Variants in FGFRL1 observed in about 807,000 individuals in gnomAD.
FGFRL1 encodes fibroblast growth factor receptor-like 1.
FGFRL1 carries 24 observed loss-of-function variants against 36.8 expected under a neutral mutation model. That is an observed-to-expected ratio of 0.65 (90% CI 0.47 to 0.92). The LOEUF (loss-of-function observed/expected upper bound fraction) is 0.92. Ranked by LOEUF, FGFRL1 falls within the 40% of genes least tolerant of loss-of-function variation. The pLI is 0.00. For synonymous variants in FGFRL1, 422 were observed against 344.1 expected, an observed-to-expected ratio of 1.23 and a Z score of -2.50; for missense variants, 785 against 753.4, an observed-to-expected ratio of 1.04 and a Z score of -0.49.
At chr4:1,015,430 G>A (rs995144301) in intron 2 of FGFRL1, among the ~76,000 whole-genome samples, 4 of 152,314 alleles carry the variant, frequency 2.6e-5, no homozygotes, top group African/African-American at 4.8e-5. Flanking sequence ...AAGGTGGGCC[G>A]CAGCCCCAGA....
At chr4:1,012,441 G>C (rs766479251) in intron 1 of FGFRL1, 29 bp from the exon 2 acceptor site, 3 of 1,573,754 alleles carry the variant, frequency 1.9e-6, no homozygotes, top group Non-Finnish European at 2.6e-6. Context: ...AGTTCCACGT[G>C]TTAGTGACGG....
intron 2 of FGFRL1, 21 bp downstream of exon 2, chr4:1,012,585 C>CGGCCAGCCT (rs1419700184): frequency 1.6e-6 from 2 of 1,235,562 alleles, no homozygotes; most frequent in African/African-American, 1.6e-5. Context: ...GCGCCCAGCC[C>CGGCCAGCCT]GGCCAGCCTG....
rs1344779222 is a variant in FGFRL1 at position 1,026,064 on chromosome 4, T to G, written c.*717T>G. On this transcript the variant is annotated 3_prime_UTR_variant, in exon 7 of 7. Coordinates refer to ENST00000510644, the MANE Select transcript of FGFRL1 (RefSeq NM_001004356.3). ...CACACACGCATGCACAGATATGCTGTCCGGACACACACACGCACGCAGATA... is the reference window on the plus strand; with the variant it reads ...CACACACGCATGCACAGATATGCTGGCCGGACACACACACGCACGCAGATA... The G allele has an allele frequency of 8.0e-6, 1 of 124,360 alleles. No individual in the cohort carries two copies. The highest frequency in any genetic ancestry group is 1.8e-5 in the Non-Finnish European group (1 of 54,334). 7.7% of individuals were successfully genotyped at this position (124,360 alleles called of 1,614,324 possible). A position where few individuals can be genotyped will look rare whatever the true frequency, so the allele number is the denominator to read the frequency against.
rs1206919942 is a variant in FGFRL1, at chr4:1,026,866, T to C, written c.*1519T>C. On this transcript the variant is annotated 3_prime_UTR_variant, in exon 7 of 7. Coordinates refer to ENST00000510644, the MANE Select transcript of FGFRL1 (RefSeq NM_001004356.3). ...TGAAGCCCCGTATATTTAATTTATT[T>C]TGTTAAACATGAAAGTGCATCCTTT... 1 of 454,080 alleles carries C rather than the reference T, an allele frequency of 2.2e-6. No individual in the cohort carries two copies. The highest frequency in any genetic ancestry group is 2.4e-5 in the Admixed American group (1 of 42,256). 28.1% of individuals were successfully genotyped at this position (454,080 alleles called of 1,614,324 possible).
chr4:1,024,202 C>A, intron 5 of FGFRL1, 101 bp downstream of exon 5: 2 of 252,548 alleles, frequency 7.9e-6, no homozygotes, highest in Non-Finnish European at 1.2e-5. Context: ...GGCGGGGGCA[C>A]TGGCAGGGCT....
At chr4:1,020,495 G>T (rs964715637) in intron 2 of FGFRL1, among the ~76,000 whole-genome samples, 17 of 151,800 alleles carry the variant, frequency 1.1e-4, no homozygotes, top group African/African-American at 3.9e-4. Context: ...GAGGCCTGCA[G>T]GGTCTGTGTG....
At position 1,022,257 on chromosome 4, in the gene FGFRL1, G is replaced by A. The variant is rs747436071; in HGVS notation, c.134G>A (p.Arg45His). The A allele has an allele frequency of 1.5e-5, 24 of 1,583,756 alleles. No homozygotes were observed. Among genetic ancestry groups the A allele is most frequent in the South Asian group, 1.1e-4 (10 of 87,862 alleles). The change falls in exon 3 of 7, where the codon CGC becomes CAC. Residue 45 changes from arginine (R) to histidine (H), a missense_variant. By Grantham distance (29) the Arg-to-His change is conservative. Transcript: ENST00000510644. ...VVPRQVARLG[R>H]TVRLQCPVEG... ...CCACGGCAGGTGGCCCGGCTGGGCC[G>A]CACTGTGCGGCTGCAGTGCCCAGTG...
intron 1 of FGFRL1, 167 bp from the exon 2 acceptor site, chr4:1,012,303 C>T: frequency 3.1e-6 from 2 of 641,438 alleles, no homozygotes; most frequent in Non-Finnish European, 5.1e-6. Context: ...CCTTTGTCTG[C>T]CTTTGATACC....
At chr4:1,024,218 GTGGTGGGCTGGGGGTGC>G (rs1273177823) in intron 5 of FGFRL1, 76 bp from the exon 6 acceptor site, 8 of 1,354,906 alleles carry the variant, frequency 5.9e-6, no homozygotes, top group Non-Finnish European at 7.7e-6. Context: ...GGGCTTGGGG[GTGGTGGGCTGGGGGTGC>G]TGGTGGGCCC....
At chr4:1,013,471 TGGGCACGTTC>T (rs1412791943) in intron 2 of FGFRL1, among the ~76,000 whole-genome samples, 6 of 152,218 alleles carry the variant, frequency 3.9e-5, no homozygotes, top group African/African-American at 1.4e-4. Flanking sequence ...TGGCCTTATA[TGGGCACGTTC>T]GGGTGCTGGG....
chr4:1,013,863 C>T (rs1715742702), intron 2 of FGFRL1, among the ~76,000 whole-genome samples: 1 of 152,292 alleles, frequency 6.6e-6, no homozygotes, highest in African/African-American at 2.4e-5. Context: ...CCACCCCCTT[C>T]GCCTTCGTCC....
chr4:1,023,555 G>T lies in FGFRL1; in HGVS notation c.353-86G>T. ...TCCAGGGCTGTCCCGGCTGGGGCTGGGGGAGCTAGAGGCCACGGGGGAGTT... is the reference window on the plus strand; with the variant it reads ...TCCAGGGCTGTCCCGGCTGGGGCTGTGGGAGCTAGAGGCCACGGGGGAGTT... On this transcript the variant is annotated intron_variant, in intron 3 of 6. Transcript: ENST00000510644. The surrounding 1 kb of genome is among the most constrained non-coding windows in gnomAD (Gnocchi z 6.0). 1 of 1,259,660 alleles carries T rather than the reference G, an allele frequency of 7.9e-7. No individual in the cohort carries two copies. Among genetic ancestry groups the T allele is most frequent in the Non-Finnish European group, 1.1e-6 (1 of 884,680 alleles). The allele number at this position is 1,259,660 out of a possible 1,614,324, so 78.0% of individuals were successfully genotyped here.
Position 1,025,272 on chromosome 4 carries a change from A to G in FGFRL1, c.1440A>G (p.Thr480=), listed in dbSNP as rs1319441936. ...CCAAACTCTACACAGACATCCACAC[A>G]CACACACACACACACTCTCACACAC... is the stretch of plus-strand genomic sequence containing the variant. ...LYPKLYTDIH[T]HTHTHSHTHS... Residue 480 remains threonine (T), a synonymous_variant, in exon 7 of 7, where the codon ACA becomes ACG. Coordinates refer to ENST00000510644, the MANE Select transcript of FGFRL1 (RefSeq NM_001004356.3). 5 of 1,569,726 alleles carry G rather than the reference A, an allele frequency of 3.2e-6. No homozygotes were observed. Among genetic ancestry groups the G allele is most frequent in the Admixed American group, 1.8e-5 (1 of 56,538 alleles).
At chr4:1,019,025 A>C (rs892872348) in intron 2 of FGFRL1, among the ~76,000 whole-genome samples, 1 of 152,092 alleles carries the variant, frequency 6.6e-6, no homozygotes, top group Admixed American at 6.5e-5. Flanking sequence ...GCTTCCGGCC[A>C]TCCAGCGGTC....
chr4:1,019,594 G>A (rs74921869), intron 2 of FGFRL1, among the ~76,000 whole-genome samples: 25,053 of 152,180 alleles, frequency 0.16, 2,250 homozygotes, highest in South Asian at 0.29. Context: ...CCCTGCAGCC[G>A]CTTCCTCCCC....
intron 2 of FGFRL1, among the ~76,000 whole-genome samples, chr4:1,016,692 C>T (rs1372162876): frequency 5.9e-5 from 9 of 152,194 alleles, no homozygotes; most frequent in Admixed American, 3.3e-4. Flanking sequence ...CCCCGAGGGC[C>T]GCCTCGCTAG....
chr4:1,011,822 G>T lies in FGFRL1; in HGVS notation c.-149G>T, dbSNP rs1452630874. The T allele has an allele frequency of 2.1e-5, 3 of 143,668 alleles. No homozygotes were observed. Among genetic ancestry groups the T allele is most frequent in the Non-Finnish European group, 4.6e-5 (3 of 64,912 alleles). The allele number at this position is 143,668 out of a possible 1,614,324, so 8.9% of individuals were successfully genotyped here. Reference sequence around the variant, plus strand: ...CCCGAGCCGCCCGCGCCCAGGTAGCGCCGCCCCGCCCCGAGACCGGGCCCG... The same window carrying T: ...CCCGAGCCGCCCGCGCCCAGGTAGCTCCGCCCCGCCCCGAGACCGGGCCCG... On this transcript the variant is annotated 5_prime_UTR_variant, in exon 1 of 7. Coordinates refer to ENST00000510644, the MANE Select transcript of FGFRL1 (RefSeq NM_001004356.3).
In FGFRL1 at chr4:1,026,616, C is replaced by T. The variant is rs1716552220; in HGVS notation, c.*1269C>T. 7.2e-6 allele frequency: 2 copies of T among 276,330 alleles called. No individual in the cohort carries two copies. The highest frequency in any genetic ancestry group is 1.2e-4 in the East Asian group (1 of 8,194). 17.1% of individuals were successfully genotyped at this position (276,330 alleles called of 1,614,324 possible). A position where few individuals can be genotyped will look rare whatever the true frequency, so the allele number is the denominator to read the frequency against. On this transcript the variant is annotated 3_prime_UTR_variant, in exon 7 of 7. Transcript: ENST00000510644. ...GGCTCATCCCCACTGCATTCTCCCC[C>T]TGACACAGAGAAGGGGCCTTGGTAT...
rs56398186 is a variant in FGFRL1 at position 1,025,866 on chromosome 4, G to GAC, written c.*534_*535dup. 19,663 of 165,982 alleles carry GAC rather than the reference G, an allele frequency of 0.12. 1,260 individuals are homozygous for GAC. Among genetic ancestry groups the GAC allele is most frequent in the Middle Eastern group, 0.2 (70 of 356 alleles). 10.3% of individuals were successfully genotyped at this position (165,982 alleles called of 1,614,324 possible). On this transcript the variant is annotated 3_prime_UTR_variant, in exon 7 of 7. Transcript: ENST00000510644. Reference sequence around the variant, plus strand: ...CACACACATGCACGGATATTGCCTGGACACACACACACACACGTGTGCACA... The same window carrying GAC: ...CACACACATGCACGGATATTGCCTGGACACACACACACACACACGTGTGCACA...
Sources: allele counts gnomAD v4.1 joint callset (sites outside exome capture counted in the v4.1 genomes callset), GRCh38; gene constraint gnomAD v4.1.1; non-coding constraint Gnocchi (gnomAD v3.1); transcripts MANE v1.5; gene names NCBI Gene and HGNC (gene_info 2026-07-23, HGNC 2026-07-21).